The following ANO1 variants were observed in gnomAD, a reference collection of about 807,000 sequenced individuals.
ANO1 encodes the protein anoctamin-1.
ANO1 carries 59 observed loss-of-function variants against 124.0 expected under a neutral mutation model. The ratio of observed to expected loss-of-function variants is 0.48; its 90% confidence interval spans 0.39 to 0.59. The LOEUF is 0.59. ANO1 is among the 20% of genes least tolerant of loss of function. The pLI is 0.00. For missense variants in ANO1, 1,059 were observed against 1,328.0 expected, an observed-to-expected ratio of 0.80 and a Z score of 3.15; for synonymous variants, 529 against 532.0, an observed-to-expected ratio of 0.99 and a Z score of 0.08.
At chr11:70,009,716 G>T (rs1405560469) in intron 1 of ANO1, among the ~76,000 whole-genome samples, 2 of 152,174 alleles carry the variant, frequency 1.3e-5, no homozygotes, top group African/African-American at 4.8e-5. Flanking sequence ...CAAAGGGGAT[G>T]AGCCTGTGCA....
intron 24 of ANO1, 104 bp from the exon 25 acceptor site, chr11:70,185,474 GAGGCAGCCGCAC>G (rs1315052808): frequency 1.1e-6 from 1 of 872,930 alleles, no homozygotes; most frequent in Non-Finnish European, 1.8e-6. Context: ...TGCCCTCCCG[GAGGCAGCCGCAC>G]ACCAAGCTGA....
chr11:70,003,900 C>T (rs1386722989), intron 1 of ANO1, among the ~76,000 whole-genome samples: 1 of 152,164 alleles, frequency 6.6e-6, no homozygotes, highest in Non-Finnish European at 1.5e-5. Context: ...TATATCCTGG[C>T]CCTCAGCTCC....
intron 2 of ANO1, among the ~76,000 whole-genome samples, chr11:70,091,715 T>C (rs2135258778): frequency 6.6e-6 from 1 of 152,268 alleles, no homozygotes; most frequent in African/African-American, 2.4e-5. Flanking sequence ...TGTGCAGGTG[T>C]GACCTGGCCT....
chr11:70,099,972 C>T (rs1247647804), intron 2 of ANO1, among the ~76,000 whole-genome samples: 3 of 152,184 alleles, frequency 2.0e-5, no homozygotes, highest in Non-Finnish European at 4.4e-5. Flanking sequence ...GGCACTGCCT[C>T]CTCCAGTTCA....
At chr11:69,976,499 T>C in the ANO1 span, among the ~76,000 whole-genome samples, 2 of 94,750 alleles carry the variant, frequency 2.1e-5, no homozygotes, top group African/African-American at 4.9e-5. Context: ...AGAGCAAAAC[T>C]CCGTCTCTAA....
intron 11 of ANO1, among the ~76,000 whole-genome samples, chr11:70,145,960 A>G (rs1218143388): frequency 6.7e-5 from 10 of 149,912 alleles, no homozygotes; most frequent in Non-Finnish European, 1.0e-4. Context: ...AAAAAAAAAA[A>G]AAAAAGAAAG....
intron 22 of ANO1, among the ~76,000 whole-genome samples, chr11:70,177,925 G>GT (rs1412091023): frequency 1.3e-5 from 2 of 152,148 alleles, no homozygotes; most frequent in Admixed American, 1.3e-4. Context: ...CATTTTCCTG[G>GT]TTTTTAAGCA....
intron 22 of ANO1, among the ~76,000 whole-genome samples, chr11:70,177,026 C>T (rs1233602187): frequency 6.6e-6 from 1 of 152,190 alleles, no homozygotes; most frequent in Non-Finnish European, 1.5e-5. Context: ...GGACAGGCTC[C>T]ATCGGGGCCC....
At chr11:70,027,040 G>A (rs1565164058) in intron 1 of ANO1, among the ~76,000 whole-genome samples, 1 of 152,178 alleles carries the variant, frequency 6.6e-6, no homozygotes, top group Non-Finnish European at 1.5e-5. Context: ...TCAGTCAGGT[G>A]TGTCCTAAGT....
At chr11:69,976,507 TAAAAAAAAAAAA>T in the ANO1 span, among the ~76,000 whole-genome samples, 21 of 74,494 alleles carry the variant, frequency 2.8e-4, no homozygotes, top group Admixed American at 1.1e-3. Context: ...ACTCCGTCTC[TAAAAAAAAAAAA>T]AAAAAAAAAA....
intron 7 of ANO1, among the ~76,000 whole-genome samples, chr11:70,114,403 G>T (rs538166712): frequency 6.6e-6 from 1 of 152,210 alleles, no homozygotes; most frequent in Non-Finnish European, 1.5e-5. Context: ...GGCCTGAGCC[G>T]CGTGCACCCA....
At chr11:70,105,120 C>G (rs914695828) in intron 4 of ANO1, among the ~76,000 whole-genome samples, 2 of 152,086 alleles carry the variant, frequency 1.3e-5, no homozygotes, top group African/African-American at 4.8e-5. Context: ...ACTCTGTCAG[C>G]CCTGCTGCCT....
Position 70,060,941 on chromosome 11 carries a change from C to A in ANO1, c.59-17601C>A, listed in dbSNP as rs1294377570. Reference sequence around the variant, plus strand: ...GAGGAATGGGGAAAAAACTTAGGGTCTATGAGATCAGTTAAGTTACGCTTT... The same window carrying A: ...GAGGAATGGGGAAAAAACTTAGGGTATATGAGATCAGTTAAGTTACGCTTT... On this transcript the variant is annotated intron_variant, in intron 1 of 27. Transcript: ENST00000531349. 4.6e-5 allele frequency among the ~76,000 whole-genome samples: 7 copies of A among 152,106 alleles called. No individual in the cohort carries two copies. The East Asian group carries it at 1.2e-3, about 25-fold the overall frequency.
chr11:70,013,751 G>A (rs1321566844), intron 1 of ANO1, among the ~76,000 whole-genome samples: 3 of 144,712 alleles, frequency 2.1e-5, no homozygotes, highest in African/African-American at 5.2e-5. Flanking sequence ...GCCATGAACC[G>A]AGATCGCGCC....
intron 14 of ANO1, 79 bp from the exon 15 acceptor site, chr11:70,155,805 GGGGCCAGCCTGCTGCCAAGATGGGGAC>G: frequency 9.3e-7 from 1 of 1,071,590 alleles, no homozygotes; most frequent in Non-Finnish European, 1.3e-6. Context: ...CGCACCAGGA[GGGGCCAGCCTGCTGCCAAGATGGGGAC>G]GGTTCCCTGG....
Position 70,087,906 on chromosome 11 carries a change from C to T in ANO1, c.263C>T (p.Thr88Ile), listed in dbSNP as rs1390931443. ...GTCAGGAGGGTGCAGCACAGCGACACCCCCTCTGGGGCTCGCAGCGTCAAG... is the reference window on the plus strand; with the variant it reads ...GTCAGGAGGGTGCAGCACAGCGACATCCCCTCTGGGGCTCGCAGCGTCAAG... The part of the protein sequence containing the change: ...TLVRRVQHSD[T>I]PSGARSVKQD... The change falls in exon 2 of 26, where the codon ACC becomes ATC. Residue 88 changes from threonine (T) to isoleucine (I), a missense_variant. Transcript: ENST00000355303. 2 of 1,610,694 alleles carry T rather than the reference C, an allele frequency of 1.2e-6. No homozygotes were observed. Among genetic ancestry groups the T allele is most frequent in the South Asian group, 2.2e-5 (2 of 90,394 alleles).
chr11:69,970,250 C>T, the ANO1 span, among the ~76,000 whole-genome samples: 11 of 152,180 alleles, frequency 7.2e-5, no homozygotes, highest in South Asian at 4.1e-4. Context: ...AGCAGAACCC[C>T]GCGGCCACAG....
At chr11:70,044,707 T>C (rs1555005390) in intron 1 of ANO1, among the ~76,000 whole-genome samples, 1 of 152,228 alleles carries the variant, frequency 6.6e-6, no homozygotes, top group African/African-American at 2.4e-5. Context: ...CATCAATTTC[T>C]TATTAATTAC....
intron 11 of ANO1, among the ~76,000 whole-genome samples, chr11:70,132,598 A>C (rs1031478070): frequency 6.6e-6 from 1 of 152,212 alleles, no homozygotes; most frequent in Non-Finnish European, 1.5e-5. Context: ...CCTGATTGCC[A>C]CTGGGCTCCA....
Sources: gnomAD v4.1 joint callset for allele counts (sites outside exome capture counted in the v4.1 genomes callset) on GRCh38, gnomAD v4.1.1 for gene constraint, MANE v1.5 for transcripts, NCBI Gene and HGNC (gene_info 2026-07-23, HGNC 2026-07-21) for gene names.